NGLY1: variants seen among roughly 807,000 people sequenced by gnomAD.
NGLY1 encodes peptide-N(4)-(N-acetyl-beta-glucosaminyl)asparagine amidase.
A neutral mutation model predicts 84.6 loss-of-function variants in NGLY1; 68 were observed. That is an observed-to-expected ratio of 0.80 (90% CI 0.66 to 0.98). The LOEUF (loss-of-function observed/expected upper bound fraction) is 0.98, where lower values mean the gene tolerates loss of function less well. Among genes scored for constraint, NGLY1 ranks in the 50% least tolerant of loss-of-function variants. NGLY1 has a pLI of 0.00. For missense variants in NGLY1, 779 were observed against 770.2 expected, an observed-to-expected ratio of 1.01 and a Z score of -0.14; for synonymous variants, 280 against 275.2, an observed-to-expected ratio of 1.02 and a Z score of -0.17.
intron 1 of NGLY1, 29 bp from the exon 2 acceptor site, chr3:25,778,717 A>AT (rs774321521): frequency 3.5e-6 from 5 of 1,421,376 alleles, no homozygotes; most frequent in Non-Finnish European, 4.9e-6. Context: ...TTGATTATAT[A>AT]TAAAAAAAAC....
chr3:25,752,440 T>C (rs909463787), intron 3 of NGLY1, among the ~76,000 whole-genome samples: 1 of 152,026 alleles, frequency 6.6e-6, no homozygotes, highest in Non-Finnish European at 1.5e-5. Context: ...CAGGCTGGTC[T>C]CGAACTCCTG....
intron 9 of NGLY1, among the ~76,000 whole-genome samples, chr3:25,731,541 T>C (rs1705535855): frequency 6.6e-6 from 1 of 152,220 alleles, no homozygotes; most frequent in South Asian, 2.1e-4. Flanking sequence ...TTTGGCAATA[T>C]GTACTAAAGC....
intron 3 of NGLY1, among the ~76,000 whole-genome samples, chr3:25,763,145 A>G (rs923672986): frequency 2.6e-5 from 4 of 152,118 alleles, no homozygotes; most frequent in Non-Finnish European, 4.4e-5. Context: ...AACAAAACAA[A>G]AGAAAAGAAG....
chr3:25,754,115 T>A (rs571620200), intron 3 of NGLY1, among the ~76,000 whole-genome samples: 20 of 152,298 alleles, frequency 1.3e-4, no homozygotes, highest in African/African-American at 4.6e-4. Flanking sequence ...AAGCAAGTAG[T>A]CTATGGATAC....
At chr3:25,788,671 A>T (rs1382199332) in intron 1 of NGLY1, among the ~76,000 whole-genome samples, 1 of 152,208 alleles carries the variant, frequency 6.6e-6, no homozygotes, top group Non-Finnish European at 1.5e-5. Context: ...GTATTTTCAC[A>T]CTATTATTTT....
intron 4 of NGLY1, chr3:25,749,583 A>T (rs1206239312): frequency 6.6e-7 from 1 of 1,521,780 alleles, no homozygotes; most frequent in Non-Finnish European, 9.0e-7. Flanking sequence ...TCAAAAATTA[A>T]GTGTAACTGG....
chr3:25,769,864 A>C (rs1261943861), intron 2 of NGLY1, among the ~76,000 whole-genome samples: 1 of 151,896 alleles, frequency 6.6e-6, no homozygotes, highest in Non-Finnish European at 1.5e-5. Context: ...TAAGTTCTTT[A>C]GTGGTAATTT....
At chr3:25,754,258 A>G (rs1236109065) in intron 3 of NGLY1, among the ~76,000 whole-genome samples, 5 of 152,232 alleles carry the variant, frequency 3.3e-5, no homozygotes, top group African/African-American at 1.2e-4. Flanking sequence ...ATAAAATGAG[A>G]CTTTACAACA....
intron 9 of NGLY1, 99 bp from the exon 10 acceptor site, chr3:25,729,417 T>C (rs2125460376): frequency 4.2e-6 from 3 of 718,342 alleles, no homozygotes; most frequent in South Asian, 6.2e-5. Context: ...TCCTTCAAAA[T>C]TGAAAAGAAA....
chr3:25,732,943 A>G (rs1406391614), intron 8 of NGLY1, among the ~76,000 whole-genome samples: 1 of 152,238 alleles, frequency 6.6e-6, no homozygotes, highest in East Asian at 1.9e-4. Flanking sequence ...ATTGAGGTGA[A>G]GGGCACATAC....
At chr3:25,736,188 CAATG>C in intron 6 of NGLY1, 39 bp from the exon 7 acceptor site, 1 of 1,599,610 alleles carries the variant, frequency 6.3e-7, no homozygotes, top group South Asian at 1.1e-5. Flanking sequence ...GGAAAAAAGA[CAATG>C]AAATCAGAAT....
chr3:25,749,521 A>T, intron 4 of NGLY1: 1 of 1,581,750 alleles, frequency 6.3e-7, no homozygotes, highest in Non-Finnish European at 8.6e-7. Context: ...GAAGCCCAAG[A>T]TCATCAAAAA....
At chr3:25,746,933 G>A (rs1280863303) in intron 4 of NGLY1, among the ~76,000 whole-genome samples, 1 of 152,156 alleles carries the variant, frequency 6.6e-6, no homozygotes, top group African/African-American at 2.4e-5. Flanking sequence ...GGTTTCAAGC[G>A]ATTCTCCTGC....
intron 2 of NGLY1, among the ~76,000 whole-genome samples, chr3:25,775,124 T>C (rs1266040586): frequency 6.6e-6 from 1 of 152,256 alleles, no homozygotes; most frequent in Non-Finnish European, 1.5e-5. Context: ...TTTTCCTCTG[T>C]CTCATGGAAT....
intron 10 of NGLY1, among the ~76,000 whole-genome samples, chr3:25,724,325 C>T (rs1398145735): frequency 1.3e-5 from 2 of 152,198 alleles, no homozygotes; most frequent in African/African-American, 4.8e-5. Flanking sequence ...CCCACAGATA[C>T]CCAGCAAAGC....
chr3:25,736,020 G>A lies in NGLY1; in HGVS notation c.1133C>T (p.Ala378Val), dbSNP rs1177368140. 1.2e-6 allele frequency: 2 copies of A among 1,612,178 alleles called. No individual in the cohort carries two copies. Among genetic ancestry groups the A allele is most frequent in the Non-Finnish European group, 1.7e-6 (2 of 1,179,202 alleles). ...GWGKKLSYVI[A>V]FSKDEVVDVT... ...ATGCTCTACCTCATCTTTTGAAAAT[G>A]CTATGACATAGGAAAGCTTCTTGCC... Residue 378 changes from alanine (A) to valine (V), a missense_variant, in exon 7 of 12, where the codon GCA (alanine) becomes GTA (valine). Ala to Val is a moderately conservative substitution (Grantham distance 64). Transcript: ENST00000280700.
At chr3:25,725,327 G>C (rs187156526) in intron 10 of NGLY1, among the ~76,000 whole-genome samples, 2 of 152,356 alleles carry the variant, frequency 1.3e-5, no homozygotes, top group African/African-American at 4.8e-5. Flanking sequence ...GGGGAGGGCA[G>C]AGGGGCTCCA....
At chr3:25,736,601 G>T in intron 6 of NGLY1, 1 of 417,718 alleles carries the variant, frequency 2.4e-6, no homozygotes, top group Non-Finnish European at 4.3e-6. Flanking sequence ...ATTAATGGAA[G>T]GTTTCATTTA....
chr3:25,777,308 T>A (rs1708198116), intron 2 of NGLY1, among the ~76,000 whole-genome samples: 1 of 146,866 alleles, frequency 6.8e-6, no homozygotes, highest in Admixed American at 7.2e-5. Context: ...GGCAGGAGAA[T>A]CGCTTGAATC....
Sources: gnomAD v4.1 joint callset for allele counts (sites outside exome capture counted in the v4.1 genomes callset) on GRCh38, gnomAD v4.1.1 for gene constraint, MANE v1.5 for transcripts, NCBI Gene and HGNC (gene_info 2026-07-23, HGNC 2026-07-21) for gene names.